Variants in CEP41 observed in about 807,000 individuals in gnomAD.
CEP41 encodes the protein centrosomal protein 41, also known as centrosomal protein of 41 kDa.
In CEP41, 32 loss-of-function variants were observed where a neutral mutation model predicts 44.3. The observed-to-expected ratio is 0.72, with a 90% CI of 0.54 to 0.97. The LOEUF (loss-of-function observed/expected upper bound fraction) is 0.97. Ranked by LOEUF, CEP41 falls within the 50% of genes least tolerant of loss-of-function variation. The pLI is 0.00. For synonymous variants in CEP41, 151 were observed against 168.5 expected, an observed-to-expected ratio of 0.90 and a Z score of 0.80; for missense variants, 432 against 455.2, an observed-to-expected ratio of 0.95 and a Z score of 0.46.
chr7:130,411,319 C>A (rs1797176876), intron 4 of CEP41, 128 bp from the exon 5 acceptor site: 1 of 749,268 alleles, frequency 1.3e-6, no homozygotes, highest in Non-Finnish European at 2.4e-6. Context: ...TGTCAGTGTC[C>A]TCAACTGAAC....
At chr7:130,441,357 T>C (rs560131605), upstream of CEP41, 387 of 390,170 alleles carry the variant, frequency 9.9e-4, 5 homozygotes, top group South Asian at 7.8e-3. Flanking sequence ...GAACCATAAA[T>C]ACAACACAAG....
intron 5 of CEP41, among the ~76,000 whole-genome samples, chr7:130,406,712 G>T (rs1436909223): frequency 6.6e-6 from 1 of 152,024 alleles, no homozygotes; most frequent in African/African-American, 2.4e-5. Flanking sequence ...CAATAAATAT[G>T]TGGTTAGATA....
chr7:130,421,458 GTTTATAAAAGC>G (rs1797506427), intron 2 of CEP41: 1 of 984,664 alleles, frequency 1.0e-6, no homozygotes. Flanking sequence ...GTGCTTTCTG[GTTTATAAAAGC>G]CTTTCACATA....
intron 4 of CEP41, 61 bp from the exon 5 acceptor site, chr7:130,411,252 G>A: frequency 2.9e-6 from 4 of 1,393,970 alleles, no homozygotes; most frequent in Non-Finnish European, 4.1e-6. Flanking sequence ...ACGCAATTTT[G>A]TCTTTTACAA....
At chr7:130,423,258 T>G (rs1797563492) in intron 2 of CEP41, among the ~76,000 whole-genome samples, 2 of 152,164 alleles carry the variant, frequency 1.3e-5, no homozygotes, top group African/African-American at 2.4e-5. Context: ...AAAAGAACTT[T>G]TATAACTCAA....
intron 8 of CEP41, 78 bp from the exon 9 acceptor site, chr7:130,400,899 G>T: frequency 1.1e-6 from 1 of 940,620 alleles, no homozygotes. Flanking sequence ...AGGAATAAAA[G>T]GTCAGGTCCA....
intron 1 of CEP41, among the ~76,000 whole-genome samples, chr7:130,429,504 C>T (rs1311702337): frequency 6.6e-6 from 1 of 152,172 alleles, no homozygotes; most frequent in Non-Finnish European, 1.5e-5. Flanking sequence ...TTCTGGCCTG[C>T]AGGTATGAAA....
At chr7:130,419,950 TAC>T (rs138793861) in intron 2 of CEP41, 62,602 of 445,240 alleles carry the variant, frequency 0.14, 2 homozygotes, top group Non-Finnish European at 0.17. Context: ...TATGGGCACG[TAC>T]ACACACACAC....
At position 130,411,198 on chromosome 7, in the gene CEP41, GA is replaced by G; in HGVS notation, c.208-8del. 1 of 1,610,948 alleles carries G rather than the reference GA, an allele frequency of 6.2e-7. No homozygotes were observed. The highest frequency in any genetic ancestry group is 8.5e-7 in the Non-Finnish European group (1 of 1,177,168). On this transcript the variant is annotated splice_region_variant and splice_polypyrimidine_tract_variant and intron_variant, in intron 4 of 10. Transcript: ENST00000223208. ...GGGAAGCAACTTGGATGATCTGATA[GA>G]AAAAAGAATGAAATGTGTGGATGTT...
At chr7:130,435,404 A>T (rs1279355380) in intron 1 of CEP41, among the ~76,000 whole-genome samples, 14 of 152,178 alleles carry the variant, frequency 9.2e-5, no homozygotes, top group Admixed American at 9.2e-4. Flanking sequence ...AAAACTCAAC[A>T]GTTAAGAAAA....
rs1489676315 is a variant in CEP41, at chr7:130,421,712, G to A, written c.98-4746C>T. 16 of 1,162,392 alleles carry A rather than the reference G, an allele frequency of 1.4e-5. No individual in the cohort carries two copies. In the African/African-American group the frequency reaches 2.1e-4, roughly 15 times the overall value. The allele number at this position is 1,162,392 out of a possible 1,614,324, so 72.0% of individuals were successfully genotyped here. ...AAAGACTGAGTGGAGAAAGCCTACA[G>A]AATTTCAGAAAGCTAAAGAAATTGG... On this transcript the variant is annotated intron_variant, in intron 2 of 10. Coordinates refer to ENST00000223208, the MANE Select transcript of CEP41 (RefSeq NM_018718.3).
At chr7:130,419,573 ATTTT>A in intron 2 of CEP41, 1 of 982,668 alleles carries the variant, frequency 1.0e-6, no homozygotes, top group Non-Finnish European at 1.2e-6. Flanking sequence ...CCAAGAACCA[ATTTT>A]TTTTAAAAAA....
In CEP41 at chr7:130,434,357, A is replaced by T. The variant is rs141721931; in HGVS notation, c.34-6339T>A. On this transcript the variant is annotated intron_variant, in intron 1 of 10. Coordinates refer to ENST00000223208, the MANE Select transcript of CEP41 (RefSeq NM_018718.3). ...TGTAAAAAGTAAATATATTTTTTTT[A>T]AAATTGCTTTTTGCTCTACAAAAGA... Among the ~76,000 whole-genome samples the T allele has an allele frequency of 1.5e-3, 227 of 152,320 alleles. 1 individual carries two copies. The East Asian group carries it at 0.022, about 15-fold the overall frequency.
intron 2 of CEP41, among the ~76,000 whole-genome samples, chr7:130,423,567 C>T (rs1231774425): frequency 6.6e-6 from 1 of 152,134 alleles, no homozygotes; most frequent in Non-Finnish European, 1.5e-5. Context: ...GGCAGTTCCT[C>T]AAAAAATTAG....
In CEP41 at chr7:130,396,820, G is replaced by A. The variant is rs1796675955; in HGVS notation, c.*2071C>T. On this transcript the variant is annotated 3_prime_UTR_variant, in exon 11 of 11. Transcript: ENST00000223208. ...CCAACCTGCCAGATCTCTCAGGTGA[G>A]TGCACACCAATTCTAACAGGTCTGG... 1 of 452,344 alleles carries A rather than the reference G, an allele frequency of 2.2e-6. No individual in the cohort carries two copies. Among genetic ancestry groups the A allele is most frequent in the African/African-American group, 2.0e-5 (1 of 49,950 alleles). 28.0% of individuals were successfully genotyped at this position (452,344 alleles called of 1,614,324 possible). A position where few individuals can be genotyped will look rare whatever the true frequency, so the allele number is the denominator to read the frequency against.
In CEP41 at chr7:130,412,223, C is replaced by CT. The variant is rs781888984; in HGVS notation, c.162dup (p.Asp55ArgfsTer2). 6.5e-6 allele frequency: 10 copies of CT among 1,545,058 alleles called. No homozygotes were observed. The highest frequency in any genetic ancestry group is 8.9e-6 in the Non-Finnish European group (10 of 1,117,408). ...ACTTTTAGTCTCTTGAAAAGCTCAT[C>CT]TTTTTTGTATCTATAATCTGAAAAA... On this transcript the variant is annotated frameshift_variant, in exon 4 of 11. Coordinates refer to ENST00000223208, the MANE Select transcript of CEP41 (RefSeq NM_018718.3). LOFTEE classifies it high-confidence loss of function.
chr7:130,396,627 A>G lies in CEP41; in HGVS notation c.*2264T>C, dbSNP rs1554414663. ...ACATGTCAATTAATCTAATGAAGAA[A>G]CTGGCAAAGTAGAATGTTAAAAGCA... On this transcript the variant is annotated 3_prime_UTR_variant, in exon 11 of 11. Coordinates refer to ENST00000223208, the MANE Select transcript of CEP41 (RefSeq NM_018718.3). 4.4e-6 allele frequency: 2 copies of G among 454,600 alleles called. No homozygotes were observed. Among genetic ancestry groups the G allele is most frequent in the Non-Finnish European group, 8.8e-6 (2 of 226,792 alleles). 28.2% of individuals were successfully genotyped at this position (454,600 alleles called of 1,614,324 possible). A position where few individuals can be genotyped will look rare whatever the true frequency, so the allele number is the denominator to read the frequency against.
rs1797354102 is a variant in CEP41, at chr7:130,416,912, T to C, written c.145+7A>G. On this transcript the variant is annotated splice_region_variant and intron_variant, in intron 3 of 10. Coordinates refer to ENST00000223208, the MANE Select transcript of CEP41 (RefSeq NM_018718.3). ...CACTCTCCCAAACCATCAAGAGTGT[T>C]ACTTACTTTTCTTAATCTCTTCGAG... The C allele has an allele frequency of 1.3e-6, 2 of 1,580,914 alleles. No homozygotes were observed. Among genetic ancestry groups the C allele is most frequent in the Non-Finnish European group, 1.7e-6 (2 of 1,149,706 alleles).
intron 9 of CEP41, 144 bp downstream of exon 9, chr7:130,400,563 A>C (rs1554416607): frequency 1.7e-5 from 12 of 702,426 alleles, no homozygotes; most frequent in Non-Finnish European, 5.2e-6. Flanking sequence ...GAAGTTTCAC[A>C]TAACTCCTGA....
Sources: allele counts gnomAD v4.1 joint callset (sites outside exome capture counted in the v4.1 genomes callset), GRCh38; gene constraint gnomAD v4.1.1; transcripts MANE v1.5; gene names NCBI Gene and HGNC (gene_info 2026-07-23, HGNC 2026-07-21).